The following MLPH variants were observed in gnomAD, a reference collection of about 807,000 sequenced individuals.
The protein encoded by MLPH is exophilin-3.
MLPH carries 51 observed loss-of-function variants against 72.1 expected under a neutral mutation model. The ratio of observed to expected loss-of-function variants is 0.71; its 90% confidence interval spans 0.56 to 0.89. MLPH has a LOEUF of 0.89. MLPH is among the 40% of genes least tolerant of loss of function. MLPH has a pLI of 0.00. For missense variants in MLPH, 743 were observed against 759.9 expected (o/e 0.98, Z 0.26); for synonymous variants, 301 against 310.1 (o/e 0.97, Z 0.31).
rs767217882 is a variant in MLPH, at chr2:237,553,694, G to A, written c.*102G>A. On this transcript the variant is annotated 3_prime_UTR_variant, in exon 16 of 16. Transcript: ENST00000264605. ...GTGCTTTCCACTATACACAGTCACC[G>A]TCCCAATGAGAAACAAGAAGGAGCA... 51 of 1,513,310 alleles carry A rather than the reference G, an allele frequency of 3.4e-5. 1 individual carries two copies. Among genetic ancestry groups the A allele is most frequent in the East Asian group, 1.4e-4 (6 of 44,422 alleles). 93.7% of individuals were successfully genotyped at this position (1,513,310 alleles called of 1,614,324 possible). A position where few individuals can be genotyped will look rare whatever the true frequency, so the allele number is the denominator to read the frequency against.
intron 6 of MLPH, among the ~76,000 whole-genome samples, chr2:237,523,625 G>T (rs2080236595): frequency 6.6e-6 from 1 of 152,132 alleles, no homozygotes; most frequent in South Asian, 2.1e-4. Flanking sequence ...AGGAAGATGG[G>T]CGCAAGATGT....
Position 237,553,787 on chromosome 2 carries a change from AC to A in MLPH, c.*196del. On this transcript the variant is annotated 3_prime_UTR_variant, in exon 16 of 16. Coordinates refer to ENST00000264605, the MANE Select transcript of MLPH (RefSeq NM_024101.7). ...AGTCCTGCACTGCTCACCTGGGTTT[AC>A]TGATGACTCCTGGCTGCCCCACCAT... is the stretch of plus-strand genomic sequence containing the variant. 1 of 797,464 alleles carries A rather than the reference AC, an allele frequency of 1.3e-6. No individual in the cohort carries two copies. The highest frequency in any genetic ancestry group is 1.7e-5 in the African/African-American group (1 of 59,220). The allele number at this position is 797,464 out of a possible 1,614,324, so 49.4% of individuals were successfully genotyped here. A position where few individuals can be genotyped will look rare whatever the true frequency, so the allele number is the denominator to read the frequency against.
intron 15 of MLPH, chr2:237,553,091 A>G (rs2081070436): frequency 2.1e-6 from 1 of 471,682 alleles, no homozygotes; most frequent in African/African-American, 2.0e-5. Context: ...GTTATACTCT[A>G]TGCAGATGAA....
intron 6 of MLPH, among the ~76,000 whole-genome samples, chr2:237,522,101 T>C (rs532859988): frequency 1.1e-5 from 1 of 88,316 alleles, no homozygotes; most frequent in East Asian, 3.9e-4. Flanking sequence ...GCTACAACTA[T>C]AGTGCTGGAG....
chr2:237,489,036 G>A (rs2079376474), intron 1 of MLPH, among the ~76,000 whole-genome samples: 1 of 152,130 alleles, frequency 6.6e-6, no homozygotes, highest in East Asian at 1.9e-4. Flanking sequence ...GGCCAGAGAG[G>A]TCTTGGAGCT....
chr2:237,550,326 C>T (rs142843890), intron 14 of MLPH, among the ~76,000 whole-genome samples: 11 of 152,360 alleles, frequency 7.2e-5, no homozygotes, highest in African/African-American at 2.4e-4. Flanking sequence ...TCGCTCTTTG[C>T]ATGCCCTGAG....
At position 237,510,276 on chromosome 2, in the gene MLPH, A is replaced by C. The variant is rs1436460984; in HGVS notation, c.111-298A>C. ...GGAGGGCGCAGTGACCTGCCAACCA[A>C]AATTGGTACAATTGTAAACAGCCAC... On this transcript the variant is annotated intron_variant, in intron 2 of 15. Coordinates refer to ENST00000264605, the MANE Select transcript of MLPH (RefSeq NM_024101.7). This position sits in a 1 kb window ranked among gnomAD's most constrained non-coding sequence, Gnocchi z 4.4. The C allele has an allele frequency of 1.8e-5, 8 of 441,490 alleles. No homozygotes were observed. The highest frequency in any genetic ancestry group is 3.4e-5 in the Non-Finnish European group (8 of 237,928). The allele number at this position is 441,490 out of a possible 1,614,324, so 27.3% of individuals were successfully genotyped here. A position where few individuals can be genotyped will look rare whatever the true frequency, so the allele number is the denominator to read the frequency against.
At chr2:237,493,582 T>C in intron 2 of MLPH, 46 bp downstream of exon 2, 1 of 1,457,108 alleles carries the variant, frequency 6.9e-7, no homozygotes, top group Non-Finnish European at 9.6e-7. Flanking sequence ...TCCCTGATCT[T>C]CCCCCAGGGC....
At position 237,540,806 on chromosome 2, in the gene MLPH, G is replaced by A. The variant is rs1005125073; in HGVS notation, c.1295G>A (p.Gly432Asp). The change falls in exon 11 of 16, where the codon GGC becomes GAC. Residue 432 changes from glycine (G) to aspartate (D), a missense_variant. Transcript: ENST00000264605. ...GPLPQADPEV[G>D]TAAHQTNRQE... The stretch of plus-strand genomic sequence containing the variant: ...CTCCGTCCTTCTCTTTCCTAGGTGG[G>A]CACGGCTGCCCATCAAACCAACAGA... The A allele has an allele frequency of 3.1e-6, 5 of 1,613,038 alleles. No individual in the cohort carries two copies. Among genetic ancestry groups the A allele is most frequent in the Non-Finnish European group, 4.2e-6 (5 of 1,179,898 alleles).
Position 237,525,738 on chromosome 2 carries a change from C to T in MLPH, c.813C>T (p.Gly271=), listed in dbSNP as rs1375773135. The change falls in exon 7 of 16, where the codon GGC becomes GGT. Residue 271 remains glycine (G), a synonymous_variant. Coordinates refer to ENST00000264605, the MANE Select transcript of MLPH (RefSeq NM_024101.7). ...QPTSISPSRH[G]ALAELCPPGG... is the part of the protein sequence containing the mutation. ...CCAGCATCTCACCTTCCAGACACGG[C>T]GCCCTGGCTGAGCTCTGCCCGCCTG... The T allele has an allele frequency of 3.7e-6, 6 of 1,613,908 alleles. No individual in the cohort carries two copies. In the African/African-American group the frequency reaches 4.0e-5, roughly 11 times the overall value.
At chr2:237,514,364 G>T (rs1293074809) in intron 4 of MLPH, among the ~76,000 whole-genome samples, 2 of 152,108 alleles carry the variant, frequency 1.3e-5, no homozygotes, top group Non-Finnish European at 2.9e-5. Flanking sequence ...CTCTCAAAGT[G>T]CTGGGATTAC....
intron 2 of MLPH, among the ~76,000 whole-genome samples, chr2:237,497,727 T>C (rs537557276): frequency 1.1e-3 from 172 of 152,344 alleles, no homozygotes; most frequent in Admixed American, 2.1e-3. Flanking sequence ...CTTCCCTGTC[T>C]TTCATCATTG....
intron 7 of MLPH, 50 bp downstream of exon 7, chr2:237,525,855 A>C (rs1226085617): frequency 6.4e-7 from 1 of 1,556,870 alleles, no homozygotes; most frequent in South Asian, 1.1e-5. Context: ...ATGGGGGAGC[A>C]GGTCACTGAG....
At chr2:237,534,482 C>T in intron 8 of MLPH, 82 bp from the exon 9 acceptor site, 2 of 1,148,448 alleles carry the variant, frequency 1.7e-6, no homozygotes, top group Non-Finnish European at 2.6e-6. Flanking sequence ...GAATTTGGTG[C>T]TTCAGAGGTG....
upstream of MLPH, among the ~76,000 whole-genome samples, chr2:237,487,008 C>CA (rs1481182883): frequency 6.6e-6 from 1 of 152,186 alleles, no homozygotes; most frequent in Non-Finnish European, 1.5e-5. Context: ...CGCCGCAACT[C>CA]ACGGGAATCG....
In MLPH at chr2:237,540,445, C is replaced by A; in HGVS notation, c.1202C>A (p.Thr401Asn). The change falls in exon 10 of 16, where the codon ACC (threonine) becomes AAC (asparagine). Residue 401 changes from threonine (T) to asparagine (N), a missense_variant. Coordinates refer to ENST00000264605, the MANE Select transcript of MLPH (RefSeq NM_024101.7). ...ACCAGCAACGTCAGTGACCAGGAGACCTCGTCCGAGGAGGAGGAAGCCAAG... is the reference window on the plus strand; with the variant it reads ...ACCAGCAACGTCAGTGACCAGGAGAACTCGTCCGAGGAGGAGGAAGCCAAG... ...ELTSNVSDQETSSEEEEAKDE... is the reference protein window; with the variant it reads ...ELTSNVSDQENSSEEEEAKDE... 1 of 1,612,828 alleles carries A rather than the reference C, an allele frequency of 6.2e-7. No individual in the cohort carries two copies. Among genetic ancestry groups the A allele is most frequent in the Non-Finnish European group, 8.5e-7 (1 of 1,179,334 alleles).
At chr2:237,515,166 G>A (rs879313237) in intron 4 of MLPH, among the ~76,000 whole-genome samples, 1 of 152,218 alleles carries the variant, frequency 6.6e-6, no homozygotes, top group African/African-American at 2.4e-5. Flanking sequence ...CCCAGTCGAT[G>A]GTAGAATTGT....
intron 6 of MLPH, among the ~76,000 whole-genome samples, chr2:237,521,420 G>A (rs80188539): frequency 0.1 from 15,850 of 152,076 alleles, 979 homozygotes; most frequent in Non-Finnish European, 0.14. Context: ...CTATTTTTCA[G>A]GTGTCTTGTT....
chr2:237,536,125 G>A (rs537612858), intron 9 of MLPH, among the ~76,000 whole-genome samples: 6 of 152,240 alleles, frequency 3.9e-5, no homozygotes, highest in African/African-American at 1.4e-4. Context: ...CCAGGGCTCC[G>A]GAGAAACAGA....
Sources: gnomAD v4.1 joint callset for allele counts (sites outside exome capture counted in the v4.1 genomes callset) on GRCh38, gnomAD v4.1.1 for gene constraint, Gnocchi (gnomAD v3.1) non-coding constraint, MANE v1.5 for transcripts, NCBI Gene and HGNC (gene_info 2026-07-23, HGNC 2026-07-21) for gene names.